The following FLNA variants were observed in gnomAD, a reference collection of about 807,000 sequenced individuals.
The protein encoded by FLNA is filamin A.
FLNA carries 7 observed loss-of-function variants against 157.6 expected under a neutral mutation model. The ratio of observed to expected loss-of-function variants is 0.04; its 90% CI spans 0.03 to 0.08. FLNA has a LOEUF of 0.08. Among genes scored for constraint, FLNA ranks in the 10% least tolerant of loss-of-function variants. The pLI is 1.00. For synonymous variants in FLNA, 1,103 were observed against 1,060.8 expected, an observed-to-expected ratio of 1.04 and a Z score of -0.77; for missense variants, 1,750 against 2,398.4, an observed-to-expected ratio of 0.73 and a Z score of 5.65.
intron 19 of FLNA, 96 bp from the exon 20 acceptor site, chrX:154,361,883 G>A: frequency 4.5e-6 from 5 of 1,113,654 alleles, no homozygotes; most frequent in Non-Finnish European, 5.0e-6. Flanking sequence ...TCCCAGGTAA[G>A]GAATGAGAGT....
In FLNA at chrX:154,358,417, C is replaced by T. The variant is rs370487782; in HGVS notation, c.4598+28G>A. On this transcript the variant is annotated intron_variant, in intron 27 of 47. Transcript: ENST00000369850. The stretch of plus-strand genomic sequence containing the variant: ...TCTCAGCATCCAGCCTGGGCCACTC[C>T]CCACAGGCAGCAGGCCCTGCCTCTT... 59 of 1,209,359 alleles carry T rather than the reference C, an allele frequency of 4.9e-5. No individual in the cohort carries two copies. The African/African-American group carries it at 7.5e-4, about 15-fold the overall frequency.
rs782411364 is a variant in FLNA at position 154,348,946 on chromosome X, A to G, written c.7847T>C (p.Val2616Ala). The G allele has an allele frequency of 2.5e-6, 3 of 1,209,655 alleles. No individual in the cohort carries two copies. The highest frequency in any genetic ancestry group is 1.8e-5 in the South Asian group (1 of 56,852). The change falls in exon 48 of 48, where the codon GTG (valine) becomes GCG (alanine). Residue 2616 changes from valine to alanine, a missense_variant. Around this residue, in one of 5 missense-constraint regions of FLNA, gnomAD observed 970 missense variants for 1,302.6 expected, o/e 0.74. Coordinates refer to ENST00000369850, the MANE Select transcript of FLNA (RefSeq NM_001110556.2). ...CCCCTTGTCCTTGAGCAGGTAGGAC[A>G]CGCTGTAGAGCCGGCTGCCCACGTG... is the stretch of plus-strand genomic sequence containing the variant. ...VKHVGSRLYS[V>A]SYLLKDKGEY...
In FLNA at chrX:154,366,817, C is replaced by A. The variant is rs371600068; in HGVS notation, c.902G>T (p.Arg301Leu). The change falls in exon 6 of 48, where the codon CGG (arginine) becomes CTG (leucine). Residue 301 changes from arginine (R) to leucine (L), a missense_variant. By Grantham distance (102) the Arg-to-Leu change is moderately radical (BLOSUM62 -2). Transcript: ENST00000369850. The part of the protein sequence containing the change: ...IEPTGNMVKK[R>L]AEFTVETRSA... Reference sequence around the variant, plus strand: ...TCTGGTCTCCACAGTGAACTCTGCCCGCTTCTTCACCATGTTGCCTGTGGG... The same window carrying A: ...TCTGGTCTCCACAGTGAACTCTGCCAGCTTCTTCACCATGTTGCCTGTGGG... 2.9e-5 allele frequency: 35 copies of A among 1,210,174 alleles called. No individual in the cohort carries two copies. Among genetic ancestry groups the A allele is most frequent in the South Asian group, 2.5e-4 (14 of 56,893 alleles).
At chrX:154,365,069 G>C in intron 11 of FLNA, 67 bp downstream of exon 11, 1 of 1,205,925 alleles carries the variant, frequency 8.3e-7, no homozygotes, top group South Asian at 1.8e-5. Flanking sequence ...ATCATCAGGT[G>C]GGGAGGCAGA....
Position 154,352,572 on chromosome X carries a change from G to T in FLNA, c.6483C>A (p.Asp2161Glu). 2.5e-6 allele frequency: 3 copies of T among 1,211,692 alleles called. No homozygotes were observed. The East Asian group carries it at 8.9e-5, about 36-fold the overall frequency. Reference protein sequence around the residue: ...PSVANVGSHCDLSLKIPEISI... With the variant: ...PSVANVGSHCELSLKIPEISI... The stretch of plus-strand genomic sequence containing the variant: ...CCCTACCAGGGATTTTCAGGCTGAG[G>T]TCACAATGACTACCAACGTTGGCCA... The change falls in exon 40 of 48, where the codon GAC (aspartate) becomes GAA (glutamate). Residue 2161 changes from aspartate (D) to glutamate (E), a missense_variant. Transcript: ENST00000369850.
At chrX:154,370,754 G>A (rs1416530429) in intron 2 of FLNA, 119 bp downstream of exon 2, 12 of 792,925 alleles carry the variant, frequency 1.5e-5, no homozygotes, top group Non-Finnish European at 2.0e-5. Context: ...AGCAGCCGGA[G>A]GCCTCGGGAG....
At position 154,364,345 on chromosome X, in the gene FLNA, T is replaced by C. The variant is rs2067738670; in HGVS notation, c.2050A>G (p.Lys684Glu). ...GGCTTGTTGACGGCCACACCTGTCT[T>C]CTCCAATCCAGGCCCACGTGCCTTC... is the stretch of plus-strand genomic sequence containing the variant. ...RVKARGPGLE[K>E]TGVAVNKPAE... Residue 684 changes from lysine (K) to glutamate (E), a missense_variant, in exon 14 of 48, where the codon AAG becomes GAG. Lys to Glu is a moderately conservative substitution (Grantham distance 56). Around this residue, in one of 5 missense-constraint regions of FLNA, gnomAD observed 648 missense variants for 805.8 expected, o/e 0.80. Coordinates refer to ENST00000369850, the MANE Select transcript of FLNA (RefSeq NM_001110556.2). 2 of 1,208,807 alleles carry C rather than the reference T, an allele frequency of 1.7e-6. No individual in the cohort carries two copies. The highest frequency in any genetic ancestry group is 1.8e-5 in the African/African-American group (1 of 56,980).
At chrX:154,353,259 C>T in intron 37 of FLNA, 37 bp downstream of exon 37, 1 of 1,211,547 alleles carries the variant, frequency 8.3e-7, no homozygotes, top group East Asian at 3.0e-5. Flanking sequence ...CACAGGCTGC[C>T]TCCTTTCTGA....
Position 154,360,406 on chromosome X carries a change from T to C in FLNA, c.3389A>G (p.Glu1130Gly). 8.3e-7 allele frequency: 1 copy of C among 1,211,612 alleles called. No individual in the cohort carries two copies. The highest frequency in any genetic ancestry group is 1.1e-6 in the Non-Finnish European group (1 of 895,600). ...GTCSVSYVPT[E>G]PGDYNINILF... ...GATGTTGATGTTGTAGTCCCCGGGC[T>C]CGGTGGGCACGTAGGACACGGAACA... Residue 1130 changes from glutamate (E) to glycine (G), a missense_variant, in exon 22 of 48, where the codon GAG becomes GGG. By Grantham distance (98) the Glu-to-Gly change is moderately conservative. Around this residue, in one of 5 missense-constraint regions of FLNA, gnomAD observed 648 missense variants for 805.8 expected, o/e 0.80. Coordinates refer to ENST00000369850, the MANE Select transcript of FLNA (RefSeq NM_001110556.2).
At position 154,367,403 on chromosome X, in the gene FLNA, C is replaced by T. The variant is rs267606816; in HGVS notation, c.862G>A (p.Gly288Arg). 8.3e-7 allele frequency: 1 copy of T among 1,211,234 alleles called. No individual in the cohort carries two copies. Among genetic ancestry groups the T allele is most frequent in the Non-Finnish European group, 1.1e-6 (1 of 895,417 alleles). The stretch of plus-strand genomic sequence containing the variant: ...CCTGGTGGGGCTCCCTCACCTGGCC[C>T]GTAGGCACGGGCTTTCTTCGGGTTC... ...KLNPKKARAYGPGIEPTGNMV... is the reference protein window; with the variant it reads ...KLNPKKARAYRPGIEPTGNMV... Residue 288 changes from glycine (G) to arginine (R), a missense_variant, in exon 5 of 48, where the codon GGG (glycine) becomes AGG (arginine). Gly to Arg is a moderately radical substitution (Grantham distance 125). This residue lies in a region of FLNA where 71 missense variants were observed against 239.5 expected (regional missense o/e 0.30). Coordinates refer to ENST00000369850, the MANE Select transcript of FLNA (RefSeq NM_001110556.2).
chrX:154,351,091 G>A, intron 43 of FLNA, 50 bp from the exon 44 acceptor site: 1 of 1,196,751 alleles, frequency 8.4e-7, no homozygotes, highest in Non-Finnish European at 1.1e-6. Flanking sequence ...GCCAGGGCAA[G>A]GGAGGACGGA....
In FLNA at chrX:154,371,369, G is replaced by A; in HGVS notation, c.-116-8C>T. The A allele has an allele frequency of 1.1e-6, 1 of 913,563 alleles. No individual in the cohort carries two copies. The highest frequency in any genetic ancestry group is 2.3e-5 in the South Asian group (1 of 42,970). 75.3% of individuals were successfully genotyped at this position (913,563 alleles called of 1,213,427 possible). On this transcript the variant is annotated splice_region_variant and splice_polypyrimidine_tract_variant and intron_variant, in intron 1 of 47. Transcript: ENST00000369850. The stretch of plus-strand genomic sequence containing the variant: ...CAGGGAGCAGAGGTTGCGCTGCGGA[G>A]AGAGCGAGCCCTTTAAATGCGGGAG...
Position 154,349,733 on chromosome X carries a change from T to G in FLNA, c.7468A>C (p.Met2490Leu), listed in dbSNP as rs782563616. The G allele has an allele frequency of 8.3e-7, 1 of 1,210,330 alleles. No homozygotes were observed. The highest frequency in any genetic ancestry group is 1.1e-6 in the Non-Finnish European group (1 of 895,153). The change falls in exon 46 of 48, where the codon ATG (methionine) becomes CTG (leucine). Residue 2490 changes from methionine to leucine, a missense_variant. Coordinates refer to ENST00000369850, the MANE Select transcript of FLNA (RefSeq NM_001110556.2). ...PEGYRVTYTP[M>L]APGSYLISIK... is the part of the protein sequence containing the mutation. ...GAGATGAGGTAGCTGCCAGGTGCCATGGGGGTATAGGTGACGCGGTAGCCC... is the reference window on the plus strand; with the variant it reads ...GAGATGAGGTAGCTGCCAGGTGCCAGGGGGGTATAGGTGACGCGGTAGCCC...
At chrX:154,371,691 G>A (rs1274903772) in intron 1 of FLNA, among the ~76,000 whole-genome samples, 1 of 113,138 alleles carries the variant, frequency 8.8e-6, no homozygotes. Flanking sequence ...GCCTTACAAG[G>A]GACTTTCCTT....
chrX:154,361,348 G>C lies in FLNA; in HGVS notation c.3167C>G (p.Pro1056Arg). ...TYDGVPVPGSPFPLEAVAPTK... is the reference protein window; with the variant it reads ...TYDGVPVPGSRFPLEAVAPTK... The stretch of plus-strand genomic sequence containing the variant: ...GGGGGCCACAGCTTCCAGAGGAAAG[G>C]GGCTGCCAGGCACGGGCACGCCGTC... The change falls in exon 21 of 48, where the codon CCC becomes CGC. Residue 1056 changes from proline (P) to arginine (R), a missense_variant. Physicochemically the swap from Pro to Arg is moderately radical, Grantham distance 103. Around this residue, in one of 5 missense-constraint regions of FLNA, gnomAD observed 648 missense variants for 805.8 expected, o/e 0.80. Transcript: ENST00000369850. 1 of 1,210,649 alleles carries C rather than the reference G, an allele frequency of 8.3e-7. No individual in the cohort carries two copies. The highest frequency in any genetic ancestry group is 1.1e-6 in the Non-Finnish European group (1 of 895,403).
In FLNA at chrX:154,371,213, G is replaced by C; in HGVS notation, c.33C>G (p.Ser11Arg). Residue 11 changes from serine to arginine, a missense_variant, in exon 2 of 48, where the codon AGC becomes AGG. Physicochemically the swap from Ser to Arg is moderately radical, Grantham distance 110 (BLOSUM62 -1). Coordinates refer to ENST00000369850, the MANE Select transcript of FLNA (RefSeq NM_001110556.2). The stretch of plus-strand genomic sequence containing the variant: ...CGCCGCCCGGAGCCGCGCCTGCTGC[G>C]CTCTGGCCCGCCCGAGAGTGGGAGC... MSSSHSRAGQ[S>R]AAGAAPGGGV... is the part of the protein sequence containing the mutation. 8.3e-7 allele frequency: 1 copy of C among 1,199,140 alleles called. No homozygotes were observed. Among genetic ancestry groups the C allele is most frequent in the Non-Finnish European group, 1.1e-6 (1 of 890,095 alleles).
rs1557176631 is a variant in FLNA, at chrX:154,354,923, T to C, written c.5119A>G (p.Thr1707Ala). The change falls in exon 31 of 48, where the codon ACT becomes GCT. Residue 1707 changes from threonine to alanine, a missense_variant. Physicochemically the swap from Thr to Ala is moderately conservative, Grantham distance 58 (BLOSUM62 0). This residue lies in a region of FLNA where 970 missense variants were observed against 1,302.6 expected (regional missense o/e 0.74). Transcript: ENST00000369850. ...DVDVVENEDG[T>A]FDIFYTAPQP... ...GGGGCCGTGTAGAAGATGTCGAAAGTGCCGTCCTCATTCTCCACCACGTCC... is the reference window on the plus strand; with the variant it reads ...GGGGCCGTGTAGAAGATGTCGAAAGCGCCGTCCTCATTCTCCACCACGTCC... 1.7e-6 allele frequency: 2 copies of C among 1,211,811 alleles called. No homozygotes were observed. Among genetic ancestry groups the C allele is most frequent in the Admixed American group, 4.3e-5 (2 of 46,135 alleles).
chrX:154,356,281 G>A (rs2067661949), intron 30 of FLNA, among the ~76,000 whole-genome samples: 1 of 111,792 alleles, frequency 8.9e-6, no homozygotes, highest in Admixed American at 9.4e-5. Context: ...TTGCCAGAGA[G>A]CAACTTCAGC....
At position 154,358,527 on chromosome X, in the gene FLNA, T is replaced by C; in HGVS notation, c.4516A>G (p.Thr1506Ala). The C allele has an allele frequency of 8.3e-7, 1 of 1,209,869 alleles. No individual in the cohort carries two copies. Among genetic ancestry groups the C allele is most frequent in the Non-Finnish European group, 1.1e-6 (1 of 894,463 alleles). The change falls in exon 27 of 48, where the codon ACC becomes GCC. Residue 1506 changes from threonine (T) to alanine (A), a missense_variant. Thr to Ala is a moderately conservative substitution (Grantham distance 58). Coordinates refer to ENST00000369850, the MANE Select transcript of FLNA (RefSeq NM_001110556.2). ...PVDVVDNADG[T>A]QTVNYVPSRE... Reference sequence around the variant, plus strand: ...CTGGGCACATAATTGACGGTCTGGGTGCCATCAGCGTTGTCTACCACGTCC... The same window carrying C: ...CTGGGCACATAATTGACGGTCTGGGCGCCATCAGCGTTGTCTACCACGTCC...
Sources: allele counts gnomAD v4.1 joint callset (sites outside exome capture counted in the v4.1 genomes callset), GRCh38; gene constraint gnomAD v4.1.1; regional missense constraint gnomAD v4.1.1; transcripts MANE v1.5; gene names NCBI Gene and HGNC (gene_info 2026-07-23, HGNC 2026-07-21).